The following RGS7 variants were observed in gnomAD, a reference collection of about 807,000 sequenced individuals.
RGS7 encodes regulator of G-protein signaling 7.
RGS7 carries 27 observed loss-of-function variants against 81.1 expected under a neutral mutation model. The observed-to-expected ratio is 0.33, with a 90% CI of 0.25 to 0.46. RGS7 has a LOEUF of 0.46. Among genes scored for constraint, RGS7 ranks in the 20% least tolerant of loss-of-function variants. The probability of loss-of-function intolerance (pLI) is 1.00; values close to 1 mark genes in which losing one functional copy is unlikely to be tolerated. For missense variants in RGS7, 396 were observed against 607.4 expected (o/e 0.65, Z 3.66); for synonymous variants, 208 against 207.7 (o/e 1.00, Z -0.01).
In RGS7 at chr1:240,930,604, C is replaced by A. The variant is rs532275095; in HGVS notation, c.385+113G>T. On this transcript the variant is annotated intron_variant, in intron 6 of 18. Coordinates refer to ENST00000440928, the MANE Select transcript of RGS7 (RefSeq NM_001364886.1). ...AATTCAATGTTAAAAATATTGGTCC[C>A]ATCCTGAGAACTGTGGTTTCCTTTT... is the stretch of plus-strand genomic sequence containing the variant. 4 of 1,001,312 alleles carry A rather than the reference C, an allele frequency of 4.0e-6. No homozygotes were observed. The Admixed American group carries it at 7.0e-5, about 18-fold the overall frequency. The allele number at this position is 1,001,312 out of a possible 1,614,324, so 62.0% of individuals were successfully genotyped here.
intron 6 of RGS7, among the ~76,000 whole-genome samples, chr1:240,873,581 G>A (rs1664854820): frequency 6.6e-6 from 1 of 152,146 alleles, no homozygotes; most frequent in Non-Finnish European, 1.5e-5. Flanking sequence ...TCCCATCTTT[G>A]AGTAGAAACA....
At chr1:241,205,076 A>ATTTTTTTT (rs10649310) in intron 2 of RGS7, among the ~76,000 whole-genome samples, 2 of 126,004 alleles carry the variant, frequency 1.6e-5, no homozygotes, top group African/African-American at 3.0e-5. Context: ...TTCATTTGTG[A>ATTTTTTTT]TTTTTTTTTT....
intron 2 of RGS7, among the ~76,000 whole-genome samples, chr1:241,245,744 T>C (rs1228935750): frequency 6.7e-6 from 1 of 149,896 alleles, no homozygotes; most frequent in Admixed American, 6.7e-5. Flanking sequence ...GAGGCAGAGG[T>C]TGCGGTAAGC....
At chr1:240,950,594 C>T (rs1353418976) in intron 4 of RGS7, among the ~76,000 whole-genome samples, 1 of 152,184 alleles carries the variant, frequency 6.6e-6, no homozygotes, top group East Asian at 1.9e-4. Flanking sequence ...CTCCAAGGGA[C>T]AGACTCTGAA....
At chr1:241,154,639 G>C (rs1331064661) in intron 2 of RGS7, among the ~76,000 whole-genome samples, 1 of 152,252 alleles carries the variant, frequency 6.6e-6, no homozygotes, top group African/African-American at 2.4e-5. Flanking sequence ...TTAAAATATT[G>C]CAGGTGCGAG....
intron 3 of RGS7, among the ~76,000 whole-genome samples, chr1:240,993,833 C>T (rs1414332306): frequency 6.6e-6 from 1 of 151,946 alleles, no homozygotes; most frequent in Non-Finnish European, 1.5e-5. Context: ...TTTTAATTTT[C>T]CATTTTGTAT....
chr1:240,831,296 A>G (rs1466639959), intron 9 of RGS7, among the ~76,000 whole-genome samples: 1 of 152,228 alleles, frequency 6.6e-6, no homozygotes, highest in East Asian at 1.9e-4. Flanking sequence ...TAGAGGCCCA[A>G]AGTTGCCTGG....
At chr1:241,083,109 C>G (rs139197874) in intron 3 of RGS7, among the ~76,000 whole-genome samples, 1 of 151,272 alleles carries the variant, frequency 6.6e-6, no homozygotes, top group Admixed American at 6.6e-5. Context: ...CTTGTAATCC[C>G]AGCTATTTGG....
chr1:241,012,995 A>G (rs570156884), intron 3 of RGS7, among the ~76,000 whole-genome samples: 1 of 151,222 alleles, frequency 6.6e-6, no homozygotes, highest in East Asian at 1.9e-4. Context: ...AGAAGCCCTA[A>G]GCCCCTACTC....
At chr1:241,036,939 T>C (rs1450810692) in intron 3 of RGS7, among the ~76,000 whole-genome samples, 2 of 152,076 alleles carry the variant, frequency 1.3e-5, no homozygotes, top group Non-Finnish European at 2.9e-5. Flanking sequence ...ATACTTAAGT[T>C]GAAAGGACCC....
chr1:240,892,444 G>C (rs1191071565), intron 6 of RGS7, among the ~76,000 whole-genome samples: 2 of 152,124 alleles, frequency 1.3e-5, no homozygotes, highest in Admixed American at 1.3e-4. Flanking sequence ...AAGCCCCGTA[G>C]GACAACCATA....
chr1:240,837,536 A>G (rs1384958534), intron 9 of RGS7, among the ~76,000 whole-genome samples: 1 of 152,220 alleles, frequency 6.6e-6, no homozygotes, highest in Non-Finnish European at 1.5e-5. Flanking sequence ...GAGGGTGAGT[A>G]GCAACACAGA....
At chr1:241,162,185 C>G (rs2069752082) in intron 2 of RGS7, among the ~76,000 whole-genome samples, 1 of 149,838 alleles carries the variant, frequency 6.7e-6, no homozygotes. Flanking sequence ...GAAAGACCGT[C>G]TCCCAATAGA....
chr1:240,813,537 G>A (rs1690263723), intron 13 of RGS7, 81 bp downstream of exon 13: 3 of 834,074 alleles, frequency 3.6e-6, no homozygotes, highest in Non-Finnish European at 4.1e-6. Flanking sequence ...TTCACAATTA[G>A]CCAACAATAA....
intron 2 of RGS7, among the ~76,000 whole-genome samples, chr1:241,185,079 T>C (rs1180722931): frequency 6.6e-6 from 1 of 152,182 alleles, no homozygotes; most frequent in Non-Finnish European, 1.5e-5. Flanking sequence ...CCTTAAATCA[T>C]CCATGAAATA....
chr1:240,937,230 T>C (rs951918916), intron 4 of RGS7, among the ~76,000 whole-genome samples: 9 of 152,170 alleles, frequency 5.9e-5, no homozygotes, highest in African/African-American at 2.2e-4. Flanking sequence ...TAAAAACCCC[T>C]TCCCTCCTTT....
At chr1:240,854,579 G>C (rs1018543977) in intron 9 of RGS7, among the ~76,000 whole-genome samples, 5 of 152,208 alleles carry the variant, frequency 3.3e-5, no homozygotes, top group African/African-American at 1.2e-4. Context: ...TCAGACGGCA[G>C]AGATCTCCCT....
intron 9 of RGS7, among the ~76,000 whole-genome samples, chr1:240,851,585 A>C (rs2147931942): frequency 6.6e-6 from 1 of 152,292 alleles, no homozygotes; most frequent in Admixed American, 6.5e-5. Context: ...GGCTACAGCT[A>C]TTGTAGATGA....
intron 6 of RGS7, among the ~76,000 whole-genome samples, chr1:240,881,827 A>C (rs1336543681): frequency 6.6e-6 from 1 of 152,200 alleles, no homozygotes; most frequent in Non-Finnish European, 1.5e-5. Context: ...AGTAAGAGTT[A>C]ACTACTATAT....
Sources: gnomAD v4.1 joint callset for allele counts (sites outside exome capture counted in the v4.1 genomes callset) on GRCh38, gnomAD v4.1.1 for gene constraint, MANE v1.5 for transcripts, NCBI Gene and HGNC (gene_info 2026-07-23, HGNC 2026-07-21) for gene names.